Variants in RB1 observed in about 807,000 individuals in gnomAD.
RB1 encodes retinoblastoma-associated protein.
Under a neutral mutation model 135.4 loss-of-function variants are expected in RB1, and 18 were observed. That is an observed-to-expected ratio of 0.13 (90% CI 0.09 to 0.20). The LOEUF (loss-of-function observed/expected upper bound fraction) is 0.20, where lower values mean the gene tolerates loss of function less well. RB1 is among the 10% of genes least tolerant of loss of function. The pLI, the probability that RB1 is intolerant of heterozygous loss-of-function variation, is 1.00. For missense variants in RB1, 868 were observed against 1,110.0 expected, an observed-to-expected ratio of 0.78 and a Z score of 3.10; for synonymous variants, 365 against 373.2, an observed-to-expected ratio of 0.98 and a Z score of 0.25.
rs1952221797 is a variant in RB1 at position 48,320,131 on chromosome 13, A to G, written c.264+12725A>G. The G allele has an allele frequency of 7.6e-6, 6 of 785,740 alleles. No individual in the cohort carries two copies. The South Asian group carries it at 1.0e-4, about 13-fold the overall frequency. The allele number at this position is 785,740 out of a possible 1,614,324, so 48.7% of individuals were successfully genotyped here. A position where few individuals can be genotyped will look rare whatever the true frequency, so the allele number is the denominator to read the frequency against. ...CGGAATCATCATTGAATCTAGCACC[A>G]ACGGGCCAAAGTCTGCAGTTTCCTC... On this transcript the variant is annotated intron_variant, in intron 2 of 26. Coordinates refer to ENST00000267163, the MANE Select transcript of RB1 (RefSeq NM_000321.3).
At chr13:48,423,736 A>G (rs1949041521) in intron 17 of RB1, among the ~76,000 whole-genome samples, 1 of 152,216 alleles carries the variant, frequency 6.6e-6, no homozygotes, top group East Asian at 1.9e-4. Context: ...ACAGAAATAA[A>G]TTGATTTAAG....
chr13:48,363,612 T>G (rs1952664398), intron 8 of RB1, among the ~76,000 whole-genome samples: 1 of 152,098 alleles, frequency 6.6e-6, no homozygotes, highest in African/African-American at 2.4e-5. Context: ...AGTGCTCTAG[T>G]GTTTTAGTTT....
At chr13:48,375,255 G>A (rs1298324245) in intron 12 of RB1, among the ~76,000 whole-genome samples, 6 of 152,100 alleles carry the variant, frequency 3.9e-5, no homozygotes, top group Admixed American at 2.0e-4. Flanking sequence ...TAATTATGTA[G>A]ATGATAAGTT....
intron 4 of RB1, among the ~76,000 whole-genome samples, chr13:48,346,909 A>G (rs1431375072): frequency 6.6e-6 from 1 of 152,040 alleles, no homozygotes; most frequent in African/African-American, 2.4e-5. Flanking sequence ...GCCAACTTTA[A>G]TGAGTATTCT....
intron 2 of RB1, among the ~76,000 whole-genome samples, chr13:48,327,491 AT>A: frequency 6.6e-6 from 1 of 152,204 alleles, no homozygotes. Context: ...TAAAAAAGTT[AT>A]TTTAAGAGCT....
chr13:48,315,870 G>A (rs1952177430), intron 2 of RB1, among the ~76,000 whole-genome samples: 1 of 152,170 alleles, frequency 6.6e-6, no homozygotes, highest in Admixed American at 6.5e-5. Flanking sequence ...CCAGTAGTGG[G>A]ATTGCTGGAT....
intron 26 of RB1, among the ~76,000 whole-genome samples, chr13:48,478,465 C>T (rs1339925040): frequency 6.6e-6 from 1 of 152,110 alleles, no homozygotes; most frequent in Non-Finnish European, 1.5e-5. Flanking sequence ...GGCTCATAAC[C>T]AAAATCAGGC....
At chr13:48,317,215 G>C (rs1952192069) in intron 2 of RB1, 1 of 442,660 alleles carries the variant, frequency 2.3e-6, no homozygotes. Flanking sequence ...TGGCCTGCCT[G>C]CCCCCCTGGG....
chr13:48,348,916 AT>A, intron 5 of RB1, 39 bp from the exon 6 acceptor site: 4 of 1,587,006 alleles, frequency 2.5e-6, no homozygotes, highest in Middle Eastern at 1.9e-4. Context: ...TCAGTGATAC[AT>A]TTTTCCTGTT....
intron 2 of RB1, among the ~76,000 whole-genome samples, chr13:48,314,953 G>A (rs752240113): frequency 1.3e-5 from 2 of 152,130 alleles, no homozygotes; most frequent in Non-Finnish European, 2.9e-5. Context: ...ATGAAATTGG[G>A]TAATGTGATG....
intron 17 of RB1, among the ~76,000 whole-genome samples, chr13:48,407,435 TCTC>T (rs1276852940): frequency 6.6e-6 from 1 of 152,198 alleles, no homozygotes; most frequent in African/African-American, 2.4e-5. Flanking sequence ...CTGGTGTTAA[TCTC>T]CTGTTCATTT....
At chr13:48,398,324 A>T (rs534307045) in intron 17 of RB1, among the ~76,000 whole-genome samples, 8 of 152,130 alleles carry the variant, frequency 5.3e-5, no homozygotes, top group Non-Finnish European at 8.8e-5. Flanking sequence ...CTTGACTTCC[A>T]CAGCTAAATA....
At position 48,480,058 on chromosome 13, in the gene RB1, A is replaced by G. The variant is rs750946437; in HGVS notation, c.2774A>G (p.Lys925Arg). 5.6e-6 allele frequency: 9 copies of G among 1,612,602 alleles called. No homozygotes were observed. Among genetic ancestry groups the G allele is most frequent in the South Asian group, 2.2e-5 (2 of 91,016 alleles). Residue 925 changes from lysine to arginine, a missense_variant, in exon 27 of 27, where the codon AAG becomes AGG. By Grantham distance (26) the Lys-to-Arg change is conservative. Transcript: ENST00000267163. The stretch of plus-strand genomic sequence containing the variant: ...AATGATAGCATGGATACCTCAAACA[A>G]GGAAGAGAAATGAGGATCTCAGGAC... ...KMNDSMDTSN[K>R]EEK
chr13:48,446,969 G>T (rs1336154560), intron 17 of RB1, among the ~76,000 whole-genome samples: 1 of 152,200 alleles, frequency 6.6e-6, no homozygotes, highest in Non-Finnish European at 1.5e-5. Flanking sequence ...GGCAGCAAGA[G>T]TAGAAGTATG....
chr13:48,322,692 A>G (rs987476955), intron 2 of RB1, among the ~76,000 whole-genome samples: 1 of 152,020 alleles, frequency 6.6e-6, no homozygotes, highest in Non-Finnish European at 1.5e-5. Context: ...CAGTTGAAGA[A>G]TTTTTTATTT....
chr13:48,323,272 G>T (rs1952257264), intron 2 of RB1, among the ~76,000 whole-genome samples: 1 of 151,968 alleles, frequency 6.6e-6, no homozygotes, highest in Admixed American at 6.5e-5. Context: ...CTAGGAATTT[G>T]TCTACCTCAT....
intron 13 of RB1, among the ~76,000 whole-genome samples, chr13:48,377,781 T>A (rs1952842638): frequency 6.6e-6 from 1 of 152,192 alleles, no homozygotes; most frequent in East Asian, 1.9e-4. Flanking sequence ...TGTGTGAACC[T>A]GGTAGAGTGT....
chr13:48,381,977 A>G lies in RB1; in HGVS notation c.1695+534A>G, dbSNP rs183780454. Among the ~76,000 whole-genome samples the G allele has an allele frequency of 2.6e-4, 40 of 152,320 alleles. No homozygotes were observed. In the East Asian group the frequency reaches 7.1e-3, roughly 27 times the overall value. On this transcript the variant is annotated intron_variant, in intron 17 of 26. Transcript: ENST00000267163. ...TTTCTGTCTTGGCAATAGTTTGCTC[A>G]GAATGATGGTTTCCAGCTTCATCCA... is the stretch of plus-strand genomic sequence containing the variant.
chr13:48,346,099 CTTTTTTTTT>C (rs35882805), intron 4 of RB1, among the ~76,000 whole-genome samples: 1 of 117,138 alleles, frequency 8.5e-6, no homozygotes, highest in South Asian at 2.9e-4. Flanking sequence ...CATTGGCCAT[CTTTTTTTTT>C]TTTTTTTTTT....
Sources: allele counts gnomAD v4.1 joint callset (sites outside exome capture counted in the v4.1 genomes callset), GRCh38; gene constraint gnomAD v4.1.1; transcripts MANE v1.5; gene names NCBI Gene and HGNC (gene_info 2026-07-23, HGNC 2026-07-21).